The following BBS9 variants were observed in gnomAD, a reference collection of about 807,000 sequenced individuals.
BBS9 encodes Bardet-Biedl syndrome 9.
BBS9 carries 89 observed loss-of-function variants against 117.7 expected under a neutral mutation model. That is an observed-to-expected ratio of 0.76 (90% CI 0.64 to 0.90). The LOEUF (loss-of-function observed/expected upper bound fraction) is 0.90, where lower values mean the gene tolerates loss of function less well. BBS9 is among the 40% of genes least tolerant of loss of function. BBS9 has a pLI of 0.00. For synonymous variants in BBS9, 379 were observed against 370.9 expected, an observed-to-expected ratio of 1.02 and a Z score of -0.25; for missense variants, 982 against 1,042.2, an observed-to-expected ratio of 0.94 and a Z score of 0.80.
intron 21 of BBS9, among the ~76,000 whole-genome samples, chr7:33,550,808 T>G (rs900682599): frequency 6.6e-6 from 1 of 152,196 alleles, no homozygotes; most frequent in African/African-American, 2.4e-5. Flanking sequence ...TCAGAACATA[T>G]GAATATCCAA....
intron 19 of BBS9, among the ~76,000 whole-genome samples, chr7:33,470,264 T>C (rs751300010): frequency 1.4e-5 from 2 of 141,112 alleles, no homozygotes; most frequent in African/African-American, 2.7e-5. Context: ...TTCCTAGATT[T>C]TTGTAAACAT....
rs553039696 is a variant in BBS9, at chr7:33,593,237, T to G, written c.2522-11628T>G. Among the ~76,000 whole-genome samples the G allele has an allele frequency of 2.0e-5, 3 of 152,264 alleles. No individual in the cohort carries two copies. The South Asian group carries it at 6.2e-4, about 32-fold the overall frequency. On this transcript the variant is annotated intron_variant, in intron 21 of 22. Transcript: ENST00000242067. ...TTTCATTGCAGAGTGTTCCAGACAT[T>G]GATCAAATGGCAAGGAAAAGCAAAT...
intron 1 of BBS9, among the ~76,000 whole-genome samples, chr7:33,142,061 G>A (rs949531884): frequency 2.6e-5 from 4 of 151,786 alleles, no homozygotes; most frequent in East Asian, 1.9e-4. Flanking sequence ...TCAGCTTCCC[G>A]AGTAACTGGG....
At chr7:33,390,276 A>T (rs1289118761) in intron 19 of BBS9, 1 of 985,236 alleles carries the variant, frequency 1.0e-6, no homozygotes, top group Non-Finnish European at 1.2e-6. Flanking sequence ...CTTGAAGAGG[A>T]TGCTTGATTT....
At chr7:33,294,604 A>G (rs1390074951) in intron 9 of BBS9, among the ~76,000 whole-genome samples, 1 of 152,214 alleles carries the variant, frequency 6.6e-6, no homozygotes, top group Non-Finnish European at 1.5e-5. Context: ...TTTAAGAGGC[A>G]ATCTTTAATG....
chr7:33,572,709 T>C (rs1036365284), intron 21 of BBS9, among the ~76,000 whole-genome samples: 1 of 152,146 alleles, frequency 6.6e-6, no homozygotes, highest in Non-Finnish European at 1.5e-5. Context: ...TTGAGCATAT[T>C]TTTCATGTAT....
intron 19 of BBS9, among the ~76,000 whole-genome samples, chr7:33,388,453 C>A (rs189041447): frequency 7.1e-4 from 108 of 152,238 alleles, no homozygotes; most frequent in African/African-American, 2.6e-3. Context: ...GTAATATGTG[C>A]TTGATAAATA....
chr7:33,297,135 A>G (rs1028971736), intron 9 of BBS9, among the ~76,000 whole-genome samples: 8 of 152,166 alleles, frequency 5.3e-5, no homozygotes, highest in Non-Finnish European at 4.4e-5. Context: ...AACATGTAGA[A>G]ATGAATAACA....
chr7:33,382,475 A>G (rs1403174182), intron 17 of BBS9, among the ~76,000 whole-genome samples: 1 of 149,858 alleles, frequency 6.7e-6, no homozygotes, highest in East Asian at 1.9e-4. Context: ...AAAAAAAAAA[A>G]AAGTGTATAA....
At chr7:33,344,207 G>A (rs918512377) in intron 11 of BBS9, among the ~76,000 whole-genome samples, 3 of 145,816 alleles carry the variant, frequency 2.1e-5, no homozygotes, top group African/African-American at 5.1e-5. Flanking sequence ...TCAGCCTCCC[G>A]AGTAGCTGGG....
At chr7:33,224,830 G>A (rs530128870) in intron 5 of BBS9, among the ~76,000 whole-genome samples, 3 of 152,300 alleles carry the variant, frequency 2.0e-5, no homozygotes, top group Non-Finnish European at 2.9e-5. Context: ...TCATTCTTAT[G>A]TGAGGAGGCA....
intron 21 of BBS9, among the ~76,000 whole-genome samples, chr7:33,549,489 C>A (rs2129087594): frequency 6.7e-6 from 1 of 149,134 alleles, no homozygotes; most frequent in East Asian, 2.0e-4. Context: ...AGTGAACAGG[C>A]AACCTACAAA....
chr7:33,322,241 G>T (rs1584313616), intron 9 of BBS9, among the ~76,000 whole-genome samples: 1 of 151,696 alleles, frequency 6.6e-6, no homozygotes, highest in East Asian at 1.9e-4. Context: ...TTTGTAGAAT[G>T]AGTTGGAAAG....
intron 4 of BBS9, among the ~76,000 whole-genome samples, chr7:33,175,664 T>C (rs1027911878): frequency 6.6e-5 from 10 of 152,098 alleles, no homozygotes; most frequent in Non-Finnish European, 1.0e-4. Flanking sequence ...CTGCCTACGA[T>C]TGGCTGAATG....
intron 5 of BBS9, among the ~76,000 whole-genome samples, chr7:33,222,800 A>T (rs1222520006): frequency 1.3e-5 from 2 of 151,796 alleles, no homozygotes; most frequent in Non-Finnish European, 1.5e-5. Flanking sequence ...AATAAAAAAA[A>T]ATATTAGCAG....
chr7:33,296,855 G>A (rs562559265), intron 9 of BBS9, among the ~76,000 whole-genome samples: 10 of 152,206 alleles, frequency 6.6e-5, no homozygotes, highest in African/African-American at 2.2e-4. Context: ...ATTCAATATT[G>A]TATCTTGAAT....
chr7:33,596,566 T>C (rs972397923), intron 21 of BBS9, among the ~76,000 whole-genome samples: 3 of 152,080 alleles, frequency 2.0e-5, no homozygotes, highest in African/African-American at 7.2e-5. Context: ...TTTTTCTCCA[T>C]AACTTTTTGC....
intron 5 of BBS9, among the ~76,000 whole-genome samples, chr7:33,196,112 C>G (rs1784894646): frequency 6.6e-6 from 1 of 151,896 alleles, no homozygotes; most frequent in Non-Finnish European, 1.5e-5. Context: ...TTCATGAATT[C>G]TTTGGAATAA....
At chr7:33,561,421 A>G (rs1423069117) in intron 21 of BBS9, among the ~76,000 whole-genome samples, 2 of 152,214 alleles carry the variant, frequency 1.3e-5, no homozygotes, top group Non-Finnish European at 2.9e-5. Context: ...AGGAAGAAGA[A>G]AAGGGAACAG....
Sources: allele counts gnomAD v4.1 joint callset (sites outside exome capture counted in the v4.1 genomes callset), GRCh38; gene constraint gnomAD v4.1.1; transcripts MANE v1.5; gene names NCBI Gene and HGNC (gene_info 2026-07-23, HGNC 2026-07-21).